AK9: variants seen among roughly 807,000 people sequenced by gnomAD.
AK9 encodes adenylate kinase domain containing 1.
Under a neutral mutation model 239.6 loss-of-function variants are expected in AK9, and 191 were observed. That is an observed-to-expected ratio of 0.80 (90% CI 0.71 to 0.90). The LOEUF (loss-of-function observed/expected upper bound fraction) is 0.90. Among genes scored for constraint, AK9 ranks in the 40% least tolerant of loss-of-function variants. AK9 has a pLI of 0.00. For missense variants in AK9, 1,995 were observed against 2,214.7 expected, an observed-to-expected ratio of 0.90 and a Z score of 1.99; for synonymous variants, 689 against 721.0, an observed-to-expected ratio of 0.96 and a Z score of 0.71.
intron 1 of AK9, 42 bp downstream of exon 1, chr6:109,691,105 C>A (rs1774332302): frequency 2.1e-6 from 1 of 478,238 alleles, no homozygotes; most frequent in African/African-American, 1.9e-5. Flanking sequence ...CTCAATTAAT[C>A]CGTCGACTTT....
At chr6:109,595,103 C>T (rs1275721140) in intron 17 of AK9, among the ~76,000 whole-genome samples, 2 of 152,192 alleles carry the variant, frequency 1.3e-5, no homozygotes, top group Non-Finnish European at 2.9e-5. Flanking sequence ...TTTTTGCAAT[C>T]TATGCATCTG....
At chr6:109,662,752 A>G in intron 5 of AK9, 89 bp from the exon 6 acceptor site, 1 of 550,600 alleles carries the variant, frequency 1.8e-6, no homozygotes. Context: ...TATTTACTAT[A>G]TTATTACTTT....
At chr6:109,667,026 T>TA (rs770748266) in intron 5 of AK9, among the ~76,000 whole-genome samples, 53 of 152,220 alleles carry the variant, frequency 3.5e-4, no homozygotes, top group Non-Finnish European at 5.6e-4. Context: ...TGACTCTATC[T>TA]GTTTCTCTTG....
At chr6:109,636,775 C>CACACACACACACACAA (rs1554278058) in intron 10 of AK9, among the ~76,000 whole-genome samples, 3 of 151,432 alleles carry the variant, frequency 2.0e-5, no homozygotes, top group Non-Finnish European at 2.9e-5. Context: ...CACACACACA[C>CACACACACACACACAA]ACACACACCA....
chr6:109,518,301 C>A (rs1208724817), intron 29 of AK9, among the ~76,000 whole-genome samples: 1 of 152,058 alleles, frequency 6.6e-6, no homozygotes, highest in Admixed American at 6.5e-5. Flanking sequence ...AGTTTCAGAT[C>A]ATTTAGCCTC....
chr6:109,663,593 C>T (rs1800751715), intron 5 of AK9, among the ~76,000 whole-genome samples: 1 of 152,082 alleles, frequency 6.6e-6, no homozygotes, highest in East Asian at 1.9e-4. Context: ...GTGGTGGTGA[C>T]ATTAACAAAT....
At chr6:109,677,336 T>C (rs368142464) in intron 1 of AK9, among the ~76,000 whole-genome samples, 1 of 152,172 alleles carries the variant, frequency 6.6e-6, no homozygotes, top group Non-Finnish European at 1.5e-5. Flanking sequence ...AACTCATAAT[T>C]GCACAAATCT....
Position 109,564,864 on chromosome 6 carries a change from T to C in AK9, c.2345-19A>G, listed in dbSNP as rs1461916203. On this transcript the variant is annotated intron_variant, in intron 21 of 40. Coordinates refer to ENST00000424296, the MANE Select transcript of AK9 (RefSeq NM_001145128.3). ...TCAGATACTTAAGAAAGAAATCGAA[T>C]AGTTAGTGTTTAAATTTGAAAACAT... 2 of 1,487,348 alleles carry C rather than the reference T, an allele frequency of 1.3e-6. No homozygotes were observed. Among genetic ancestry groups the C allele is most frequent in the Non-Finnish European group, 1.8e-6 (2 of 1,105,962 alleles). 92.1% of individuals were successfully genotyped at this position (1,487,348 alleles called of 1,614,324 possible). A position where few individuals can be genotyped will look rare whatever the true frequency, so the allele number is the denominator to read the frequency against.
At chr6:109,624,232 G>A (rs1157516720) in intron 12 of AK9, among the ~76,000 whole-genome samples, 1 of 151,980 alleles carries the variant, frequency 6.6e-6, no homozygotes, top group Admixed American at 6.6e-5. Flanking sequence ...TAGGCTTCCA[G>A]GCCTGCAGAA....
intron 17 of AK9, among the ~76,000 whole-genome samples, chr6:109,595,203 A>G (rs1197631860): frequency 6.6e-6 from 1 of 152,244 alleles, no homozygotes; most frequent in African/African-American, 2.4e-5. Flanking sequence ...AAGGATATGA[A>G]CAGACACTTC....
intron 38 of AK9, 134 bp downstream of exon 38, chr6:109,497,325 TTCACAC>T: frequency 1.6e-5 from 9 of 562,956 alleles, no homozygotes; most frequent in Non-Finnish European, 2.7e-5. Context: ...CCAGTGCTTG[TTCACAC>T]ACACACACAC....
chr6:109,525,495 G>C (rs1006483518), intron 29 of AK9, among the ~76,000 whole-genome samples: 3 of 151,964 alleles, frequency 2.0e-5, no homozygotes, highest in African/African-American at 4.8e-5. Flanking sequence ...TTAAAAAATG[G>C]GCACAAGACA....
chr6:109,608,154 C>G (rs1793134453), intron 17 of AK9, among the ~76,000 whole-genome samples: 1 of 151,876 alleles, frequency 6.6e-6, no homozygotes, highest in Admixed American at 6.6e-5. Flanking sequence ...TGGCATACAC[C>G]TGCAGTCCCA....
intron 21 of AK9, among the ~76,000 whole-genome samples, chr6:109,571,014 GAGA>G (rs915117717): frequency 2.0e-5 from 3 of 152,162 alleles, no homozygotes; most frequent in Admixed American, 1.3e-4. Flanking sequence ...GAGGAATTCT[GAGA>G]AGAAAAGGTT....
At chr6:109,620,062 A>G (rs970979642) in intron 12 of AK9, among the ~76,000 whole-genome samples, 12 of 152,116 alleles carry the variant, frequency 7.9e-5, no homozygotes, top group African/African-American at 4.8e-5. Flanking sequence ...ATCTATTGAT[A>G]GACATTTGGG....
At chr6:109,521,685 T>C (rs1779878873) in intron 29 of AK9, among the ~76,000 whole-genome samples, 1 of 152,100 alleles carries the variant, frequency 6.6e-6, no homozygotes, top group South Asian at 2.1e-4. Flanking sequence ...TACATAACCC[T>C]TATTCACTAC....
intron 5 of AK9, among the ~76,000 whole-genome samples, chr6:109,670,025 G>A (rs1801842768): frequency 6.6e-6 from 1 of 152,040 alleles, no homozygotes; most frequent in African/African-American, 2.4e-5. Context: ...GAAGTACTGG[G>A]GTCTGAGGAA....
At chr6:109,590,816 C>T (rs1208477280) in intron 17 of AK9, among the ~76,000 whole-genome samples, 1 of 152,080 alleles carries the variant, frequency 6.6e-6, no homozygotes, top group African/African-American at 2.4e-5. Context: ...AATTTCCATG[C>T]ATTTGTATGG....
chr6:109,549,198 T>C (rs1373215745), intron 25 of AK9, among the ~76,000 whole-genome samples: 1 of 152,190 alleles, frequency 6.6e-6, no homozygotes, highest in Non-Finnish European at 1.5e-5. Context: ...GTTTAATTAA[T>C]CAGGGTAAAC....
Sources: gnomAD v4.1 joint callset for allele counts (sites outside exome capture counted in the v4.1 genomes callset) on GRCh38, gnomAD v4.1.1 for gene constraint, MANE v1.5 for transcripts, NCBI Gene and HGNC (gene_info 2026-07-23, HGNC 2026-07-21) for gene names.